The following ABCC4 variants were observed in gnomAD, a reference collection of about 807,000 sequenced individuals.
ABCC4 encodes the protein ATP-binding cassette sub-family C member 4.
ABCC4 carries 102 observed loss-of-function variants against 168.5 expected under a neutral mutation model. That is an observed-to-expected ratio of 0.61 (90% CI 0.52 to 0.71). The LOEUF is 0.71. ABCC4 is among the 30% of genes least tolerant of loss of function. The probability of loss-of-function intolerance (pLI) is 0.00; values close to 1 mark genes in which losing one functional copy is unlikely to be tolerated. For synonymous variants in ABCC4, 617 were observed against 590.7 expected (o/e 1.04, Z -0.65); for missense variants, 1,402 against 1,605.8 (o/e 0.87, Z 2.17).
At chr13:95,246,093 G>A (rs1410468919) in intron 3 of ABCC4, among the ~76,000 whole-genome samples, 5 of 152,188 alleles carry the variant, frequency 3.3e-5, no homozygotes, top group Admixed American at 1.3e-4. Flanking sequence ...ACCTGGCAGT[G>A]TGCCTAGGCA....
At chr13:95,114,750 C>G (rs999789857) in intron 20 of ABCC4, among the ~76,000 whole-genome samples, 4 of 152,142 alleles carry the variant, frequency 2.6e-5, no homozygotes, top group Non-Finnish European at 5.9e-5. Context: ...GCATTTCAAG[C>G]CTATGACTGA....
At chr13:95,025,330 ACACACCCATACACACACC>A (rs2031434547) in intron 30 of ABCC4, among the ~76,000 whole-genome samples, 1 of 15,910 alleles carries the variant, frequency 6.3e-5, no homozygotes, top group Non-Finnish European at 1.0e-4. Flanking sequence ...ACCCACACCC[ACACACCCATACACACACC>A]CACACCCCCA....
Position 95,194,935 on chromosome 13 carries a change from G to A in ABCC4, c.1164C>T (p.Thr388=). 2 of 1,612,082 alleles carry A rather than the reference G, an allele frequency of 1.2e-6. No homozygotes were observed. Among genetic ancestry groups the A allele is most frequent in the Non-Finnish European group, 1.7e-6 (2 of 1,179,238 alleles). ...GTGATATCTCATCAAGTAGCAAAAA[G>A]GTCTAAAGAAAATGGGAAAAACACA... ...EAIVSIRRIQ[T]FLLLDEISQR... The change falls in exon 9 of 31, where the codon ACC becomes ACT. Residue 388 remains threonine, a splice_region_variant and synonymous_variant. Coordinates refer to ENST00000645237, the MANE Select transcript of ABCC4 (RefSeq NM_005845.5).
At chr13:95,060,681 A>G (rs1185723213) in intron 26 of ABCC4, among the ~76,000 whole-genome samples, 1 of 152,202 alleles carries the variant, frequency 6.6e-6, no homozygotes, top group East Asian at 1.9e-4. Context: ...ATTTCTTCCC[A>G]TTTTATCCTG....
chr13:95,091,618 A>G (rs1205652293), intron 20 of ABCC4, among the ~76,000 whole-genome samples: 1 of 152,164 alleles, frequency 6.6e-6, no homozygotes, highest in African/African-American at 2.4e-5. Flanking sequence ...CTACTACCAA[A>G]CCACCACTGT....
At chr13:95,285,826 C>T (rs1037263997) in intron 1 of ABCC4, among the ~76,000 whole-genome samples, 5 of 152,068 alleles carry the variant, frequency 3.3e-5, no homozygotes, top group Non-Finnish European at 5.9e-5. Context: ...AAAGAAGATG[C>T]CACCAAAGGT....
Position 95,073,230 on chromosome 13 carries a change from G to C in ABCC4, c.2992C>G (p.Arg998Gly). 1 of 1,613,584 alleles carries C rather than the reference G, an allele frequency of 6.2e-7. No homozygotes were observed. The highest frequency in any genetic ancestry group is 8.5e-7 in the Non-Finnish European group (1 of 1,179,770). Residue 998 changes from arginine to glycine, a missense_variant, in exon 24 of 31, where the codon CGA becomes GGA. By Grantham distance (125) the Arg-to-Gly change is moderately radical. This residue lies in a region of ABCC4 where 1,007 missense variants were observed against 1,127.3 expected (regional missense o/e 0.89). Transcript: ENST00000645237. ...TLMGMFQWCV[R>G]QSAEVENMMI... ...ATATTCTCAACTTCAGCACTTTGTC[G>C]AACACACCACTGAAACATCCCCATG...
At chr13:95,290,997 CAAA>C (rs762030761) in intron 1 of ABCC4, among the ~76,000 whole-genome samples, 1 of 36,424 alleles carries the variant, frequency 2.7e-5, no homozygotes, top group East Asian at 8.8e-4. Context: ...GACCCTGTCT[CAAA>C]AAAAAAAAAA....
At chr13:95,080,792 C>T (rs2034068984) in intron 21 of ABCC4, among the ~76,000 whole-genome samples, 1 of 152,128 alleles carries the variant, frequency 6.6e-6, no homozygotes. Context: ...TATTAAGATT[C>T]ATTAAATGCC....
At position 95,225,589 on chromosome 13, in the gene ABCC4, G is replaced by A. The variant is rs867109648; in HGVS notation, c.531+9021C>T. On this transcript the variant is annotated intron_variant, in intron 4 of 30. Coordinates refer to ENST00000645237, the MANE Select transcript of ABCC4 (RefSeq NM_005845.5). Reference sequence around the variant, plus strand: ...GGAGGCTGAGGCAGGGTAATTGCTTGAGCCCAGGAGGCGGAGGTTGCAGTG... The same window carrying A: ...GGAGGCTGAGGCAGGGTAATTGCTTAAGCCCAGGAGGCGGAGGTTGCAGTG... Among the ~76,000 whole-genome samples, 47 of 152,140 alleles carry A rather than the reference G, an allele frequency of 3.1e-4. 1 individual carries two copies. Among genetic ancestry groups the A allele is most frequent in the African/African-American group, 9.9e-4 (41 of 41,426 alleles).
intron 19 of ABCC4, among the ~76,000 whole-genome samples, chr13:95,120,141 C>CTGAGGTATCAACAAGAAAGACCCCA (rs1440090498): frequency 1.8e-5 from 1 of 54,432 alleles, no homozygotes; most frequent in African/African-American, 1.1e-4. Flanking sequence ...CAAAAATGGT[C>CTGAGGTATCAACAAGAAAGACCCCA]TTAGGTGCCA....
At chr13:95,300,134 A>G (rs1051466912) in intron 1 of ABCC4, among the ~76,000 whole-genome samples, 2 of 152,270 alleles carry the variant, frequency 1.3e-5, no homozygotes, top group Middle Eastern at 3.4e-3. Flanking sequence ...CCACCGCGCC[A>G]GGCCAAGATG....
chr13:95,235,381 A>T (rs1012236690), intron 3 of ABCC4, among the ~76,000 whole-genome samples: 1 of 152,204 alleles, frequency 6.6e-6, no homozygotes, highest in African/African-American at 2.4e-5. Flanking sequence ...TCTGTATTAC[A>T]AACAGGGCTT....
intron 4 of ABCC4, among the ~76,000 whole-genome samples, chr13:95,223,655 C>T (rs2039368804): frequency 6.6e-6 from 1 of 152,168 alleles, no homozygotes; most frequent in Non-Finnish European, 1.5e-5. Context: ...GCGTCCGCCA[C>T]CACACCCAGC....
At chr13:95,179,284 T>C (rs561756179) in intron 11 of ABCC4, among the ~76,000 whole-genome samples, 1 of 151,878 alleles carries the variant, frequency 6.6e-6, no homozygotes, top group East Asian at 1.9e-4. Context: ...CACAATAGAC[T>C]GACAGAAAAA....
chr13:95,023,777 C>CT (rs2031234064), intron 30 of ABCC4, among the ~76,000 whole-genome samples: 1 of 152,188 alleles, frequency 6.6e-6, no homozygotes, highest in African/African-American at 2.4e-5. Context: ...TCTGGTGCAT[C>CT]TTTTATCTTT....
chr13:95,059,326 A>G (rs549550866), intron 26 of ABCC4, among the ~76,000 whole-genome samples: 3 of 152,344 alleles, frequency 2.0e-5, no homozygotes, highest in South Asian at 2.1e-4. Flanking sequence ...GAAGTGGGAG[A>G]TGGCAAGGAA....
At position 95,075,570 on chromosome 13, in the gene ABCC4, A is replaced by G; in HGVS notation, c.2687-19T>C. The G allele has an allele frequency of 6.2e-7, 1 of 1,613,838 alleles. No individual in the cohort carries two copies. Among genetic ancestry groups the G allele is most frequent in the Non-Finnish European group, 8.5e-7 (1 of 1,179,876 alleles). On this transcript the variant is annotated intron_variant, in intron 21 of 30. Coordinates refer to ENST00000645237, the MANE Select transcript of ABCC4 (RefSeq NM_005845.5). ...CTCCGAGCTGGGGAAACAGACAGAGAAAACAGCTCAGTGAGGCTGGGTGCA... is the reference window on the plus strand; with the variant it reads ...CTCCGAGCTGGGGAAACAGACAGAGGAAACAGCTCAGTGAGGCTGGGTGCA...
At position 95,256,166 on chromosome 13, in the gene ABCC4, T is replaced by C. The variant is rs562031625; in HGVS notation, c.75-8413A>G. Among the ~76,000 whole-genome samples, 25 of 152,320 alleles carry C rather than the reference T, an allele frequency of 1.6e-4. No homozygotes were observed. The South Asian group carries it at 2.5e-3, about 15-fold the overall frequency. ...GGTGCAGCGGCATAATCATAGCTCATTGAAACTCCTGGGCTCAAGCAACCC... is the reference window on the plus strand; with the variant it reads ...GGTGCAGCGGCATAATCATAGCTCACTGAAACTCCTGGGCTCAAGCAACCC... On this transcript the variant is annotated intron_variant, in intron 1 of 30. Coordinates refer to ENST00000645237, the MANE Select transcript of ABCC4 (RefSeq NM_005845.5).
Sources: gnomAD v4.1 joint callset for allele counts (sites outside exome capture counted in the v4.1 genomes callset) on GRCh38, gnomAD v4.1.1 for gene constraint, gnomAD v4.1.1 regional missense constraint, MANE v1.5 for transcripts, NCBI Gene and HGNC (gene_info 2026-07-23, HGNC 2026-07-21) for gene names.